WWOX: variants seen among roughly 807,000 people sequenced by gnomAD.
The protein encoded by WWOX is WW domain-containing oxidoreductase.
Under a neutral mutation model 46.2 loss-of-function variants are expected in WWOX, and 69 were observed. That is an observed-to-expected ratio of 1.49 (90% CI 1.23 to 1.82). The LOEUF is 1.82. Ranked by LOEUF, WWOX falls within the 40% of genes most tolerant of loss-of-function variation. WWOX has a pLI of 0.00. For missense variants in WWOX, 919 were observed against 542.6 expected (o/e 1.69, Z -6.89); for synonymous variants, 359 against 202.6 (o/e 1.77, Z -6.56).
At chr16:78,724,542 A>T (rs944955255) in intron 8 of WWOX, among the ~76,000 whole-genome samples, 2 of 152,118 alleles carry the variant, frequency 1.3e-5, no homozygotes, top group East Asian at 3.9e-4. Context: ...ACAGTCCATT[A>T]TTTACAGTCC....
At chr16:78,723,622 C>CTTTTCTT (rs2048751858) in intron 8 of WWOX, among the ~76,000 whole-genome samples, 25 of 119,934 alleles carry the variant, frequency 2.1e-4, no homozygotes, top group African/African-American at 7.9e-4. Context: ...CTTTTCTTTT[C>CTTTTCTT]TTTTCTTTTT....
chr16:78,417,878 C>G (rs537131998), intron 6 of WWOX, among the ~76,000 whole-genome samples: 14 of 152,228 alleles, frequency 9.2e-5, no homozygotes, highest in African/African-American at 3.1e-4. Flanking sequence ...CCCAACCACA[C>G]CATGACTTTT....
At chr16:78,613,538 T>C (rs1291841591) in intron 8 of WWOX, among the ~76,000 whole-genome samples, 1 of 152,190 alleles carries the variant, frequency 6.6e-6, no homozygotes, top group African/African-American at 2.4e-5. Context: ...AAAACCTGCA[T>C]GCAAATTATC....
Position 78,424,908 on chromosome 16 carries a change from C to T in WWOX, c.644C>T (p.Ala215Val), listed in dbSNP as rs377191055. The change falls in exon 7 of 9, where the codon GCT becomes GTT. Residue 215 changes from alanine to valine, a missense_variant. Physicochemically the swap from Ala to Val is moderately conservative, Grantham distance 64. Coordinates refer to ENST00000566780, the MANE Select transcript of WWOX (RefSeq NM_016373.4). ...CTTGTGTGCAACGCAGCAACTTTTG[C>T]TCTACCCTGGAGTCTCACCAAAGAT... Reference protein sequence around the residue: ...HVLVCNAATFALPWSLTKDGL... With the variant: ...HVLVCNAATFVLPWSLTKDGL... 1.2e-6 allele frequency: 2 copies of T among 1,614,138 alleles called. No homozygotes were observed. Among genetic ancestry groups the T allele is most frequent in the South Asian group, 1.1e-5 (1 of 91,080 alleles).
intron 8 of WWOX, among the ~76,000 whole-genome samples, chr16:78,556,703 A>G (rs1188588077): frequency 6.6e-6 from 1 of 152,054 alleles, no homozygotes; most frequent in Non-Finnish European, 1.5e-5. Flanking sequence ...ACCGGCAAAC[A>G]CATTTTTTAT....
At chr16:78,733,719 C>T (rs2049018959) in intron 8 of WWOX, among the ~76,000 whole-genome samples, 1 of 151,996 alleles carries the variant, frequency 6.6e-6, no homozygotes, top group South Asian at 2.1e-4. Context: ...CATGCCACTG[C>T]ACTCCAGCCT....
chr16:78,425,123 C>A (rs7202218), intron 7 of WWOX, 68 bp downstream of exon 7: 4 of 1,596,758 alleles, frequency 2.5e-6, no homozygotes, highest in Non-Finnish European at 3.4e-6. Flanking sequence ...CCCCAAGGCT[C>A]TCATTCTGAA....
chr16:79,188,712 G>A (rs2051068847), intron 8 of WWOX, among the ~76,000 whole-genome samples: 1 of 152,246 alleles, frequency 6.6e-6, no homozygotes. Flanking sequence ...AAGTCCTGAT[G>A]TTTAAATCCT....
At chr16:78,412,527 G>C (rs1243537988) in intron 6 of WWOX, among the ~76,000 whole-genome samples, 1 of 152,120 alleles carries the variant, frequency 6.6e-6, no homozygotes, top group African/African-American at 2.4e-5. Flanking sequence ...ATTGGTGATG[G>C]AACAATGGGC....
At chr16:78,853,533 C>G (rs960473276) in intron 8 of WWOX, among the ~76,000 whole-genome samples, 4 of 152,134 alleles carry the variant, frequency 2.6e-5, no homozygotes, top group African/African-American at 9.7e-5. Flanking sequence ...TGCTAAAACC[C>G]CCTCACTGCT....
At chr16:79,173,805 A>C (rs1350319453) in intron 8 of WWOX, among the ~76,000 whole-genome samples, 2 of 151,818 alleles carry the variant, frequency 1.3e-5, no homozygotes, top group African/African-American at 4.9e-5. Flanking sequence ...TTTAATGACA[A>C]AGTGGGGTTC....
At chr16:78,992,889 A>C (rs1380860134) in intron 8 of WWOX, among the ~76,000 whole-genome samples, 1 of 152,086 alleles carries the variant, frequency 6.6e-6, no homozygotes, top group Non-Finnish European at 1.5e-5. Flanking sequence ...GCAAATTTCC[A>C]ATTTTTTAGT....
At chr16:78,548,368 A>T (rs2044096030) in intron 8 of WWOX, among the ~76,000 whole-genome samples, 1 of 152,166 alleles carries the variant, frequency 6.6e-6, no homozygotes, top group African/African-American at 2.4e-5. Context: ...ATTGCTTAGA[A>T]AATAAATGTG....
At chr16:78,459,249 A>T (rs749511282) in intron 8 of WWOX, among the ~76,000 whole-genome samples, 1 of 152,234 alleles carries the variant, frequency 6.6e-6, no homozygotes, top group Admixed American at 6.5e-5. Flanking sequence ...TCGTAAGTTC[A>T]CACTGAAAGA....
intron 8 of WWOX, among the ~76,000 whole-genome samples, chr16:79,038,832 G>A (rs1273654794): frequency 6.6e-6 from 1 of 152,140 alleles, no homozygotes; most frequent in Admixed American, 6.5e-5. Context: ...TTACAAGCAT[G>A]AGCCACTGTG....
At chr16:78,714,432 C>A (rs572128556) in intron 8 of WWOX, among the ~76,000 whole-genome samples, 1 of 152,028 alleles carries the variant, frequency 6.6e-6, no homozygotes, top group South Asian at 2.1e-4. Context: ...ATGGGAAAGA[C>A]CTGCCCCCAT....
chr16:78,271,468 A>T (rs2079477229), intron 5 of WWOX, among the ~76,000 whole-genome samples: 1 of 152,220 alleles, frequency 6.6e-6, no homozygotes, highest in Admixed American at 6.5e-5. Flanking sequence ...TATCACTGGG[A>T]ATCTCAAGTT....
intron 8 of WWOX, among the ~76,000 whole-genome samples, chr16:78,859,151 G>C (rs2052657671): frequency 6.7e-6 from 1 of 149,550 alleles, no homozygotes. Context: ...GGTAATCTGA[G>C]ACACTGGGGA....
At chr16:78,771,664 T>C (rs1304703078) in intron 8 of WWOX, among the ~76,000 whole-genome samples, 1 of 151,970 alleles carries the variant, frequency 6.6e-6, no homozygotes, top group East Asian at 1.9e-4. Context: ...CCCAGCTATT[T>C]GGAAGGCTGA....
Sources: gnomAD v4.1 joint callset for allele counts (sites outside exome capture counted in the v4.1 genomes callset) on GRCh38, gnomAD v4.1.1 for gene constraint, MANE v1.5 for transcripts, NCBI Gene and HGNC (gene_info 2026-07-23, HGNC 2026-07-21) for gene names.